Variants in LDHAL6A observed in about 807,000 individuals in gnomAD.
LDHAL6A encodes lactate dehydrogenase A like 6A, also known as L-lactate dehydrogenase A-like 6A.
In LDHAL6A, 19 loss-of-function variants were observed where a neutral mutation model predicts 28.2. That is an observed-to-expected ratio of 0.67 (90% CI 0.47 to 0.99). The LOEUF (loss-of-function observed/expected upper bound fraction) is 0.99. Among genes scored for constraint, LDHAL6A ranks in the 50% least tolerant of loss-of-function variants. LDHAL6A has a pLI of 0.00. For synonymous variants in LDHAL6A, 144 were observed against 134.4 expected, an observed-to-expected ratio of 1.07 and a Z score of -0.49; for missense variants, 372 against 398.6, an observed-to-expected ratio of 0.93 and a Z score of 0.57.
Position 18,467,918 on chromosome 11 carries a change from TACACACAC to T in LDHAL6A, c.418+2110_418+2117del, listed in dbSNP as rs1164319622. 9.5e-4 allele frequency among the ~76,000 whole-genome samples: 47 copies of T among 49,624 alleles called. 1 individual carries two copies. The highest frequency in any genetic ancestry group is 3.5e-3 in the East Asian group (3 of 856). The allele number at this position is 49,624 out of a possible 152,430, so 32.6% of individuals were successfully genotyped here. A position where few individuals can be genotyped will look rare whatever the true frequency, so the allele number is the denominator to read the frequency against. On this transcript the variant is annotated intron_variant, in intron 3 of 6. Coordinates refer to ENST00000280706, the MANE Select transcript of LDHAL6A (RefSeq NM_144972.5). Reference sequence around the variant, plus strand: ...ATATATATATATATATATATATATATACACACACATATATATATACACACACATATATA... The same window carrying T: ...ATATATATATATATATATATATATATATATATATATACACACACATATATA...
chr11:18,467,393 T>G (rs1403912242), intron 3 of LDHAL6A, among the ~76,000 whole-genome samples: 2 of 152,144 alleles, frequency 1.3e-5, no homozygotes, highest in African/African-American at 2.4e-5. Flanking sequence ...ATTTACACTT[T>G]TTATGGTTTA....
intron 3 of LDHAL6A, among the ~76,000 whole-genome samples, chr11:18,470,123 T>A (rs1417152557): frequency 2.6e-5 from 4 of 151,746 alleles, no homozygotes; most frequent in Non-Finnish European, 5.9e-5. Flanking sequence ...CAGATGGGGT[T>A]TTACCATGTT....
chr11:18,470,117 TG>T (rs1849222543), intron 3 of LDHAL6A, among the ~76,000 whole-genome samples: 1 of 152,152 alleles, frequency 6.6e-6, no homozygotes, highest in Non-Finnish European at 1.5e-5. Context: ...TTAGTACAGA[TG>T]GGGTTTTACC....
At chr11:18,467,918 T>TAC (rs1164319622) in intron 3 of LDHAL6A, among the ~76,000 whole-genome samples, 1,001 of 49,614 alleles carry the variant, frequency 0.02, 51 homozygotes, top group East Asian at 0.026. Context: ...TATATATATA[T>TAC]ACACACACAT....
chr11:18,463,008 T>A (rs1219058073), intron 1 of LDHAL6A, among the ~76,000 whole-genome samples: 1 of 151,952 alleles, frequency 6.6e-6, no homozygotes, highest in Non-Finnish European at 1.5e-5. Flanking sequence ...ACATATAAAG[T>A]AGCATCATAG....
chr11:18,456,575 A>T lies in LDHAL6A; in HGVS notation c.-106A>T. 1 of 961,372 alleles carries T rather than the reference A, an allele frequency of 1.0e-6. No homozygotes were observed. Among genetic ancestry groups the T allele is most frequent in the Non-Finnish European group, 1.6e-6 (1 of 625,520 alleles). The allele number at this position is 961,372 out of a possible 1,614,324, so 59.6% of individuals were successfully genotyped here. ...GCACCTCCTTCCACACGGGCCCAGG[A>T]GTTCTCTATACGCGCTCTCACCGCA... On this transcript the variant is annotated 5_prime_UTR_variant, in exon 1 of 7. Coordinates refer to ENST00000280706, the MANE Select transcript of LDHAL6A (RefSeq NM_144972.5).
chr11:18,477,941 TTTC>T (rs946494275), intron 6 of LDHAL6A, among the ~76,000 whole-genome samples, 198 bp downstream of exon 6: 56 of 152,300 alleles, frequency 3.7e-4, no homozygotes, highest in African/African-American at 1.3e-3. Context: ...TAGTGTGACA[TTTC>T]TTTTTATTAG....
intron 5 of LDHAL6A, 100 bp downstream of exon 5, chr11:18,476,601 C>T (rs1849390289): frequency 1.1e-5 from 16 of 1,486,580 alleles, no homozygotes; most frequent in Non-Finnish European, 1.4e-5. Flanking sequence ...TGTTGTATTT[C>T]CCATATTTTT....
rs376411857 is a variant in LDHAL6A at position 18,465,003 on chromosome 11, G to A, written c.245-634G>A. 2.2e-5 allele frequency among the ~76,000 whole-genome samples: 2 copies of A among 92,866 alleles called. 1 individual carries two copies. The highest frequency in any genetic ancestry group is 1.0e-4 in the African/African-American group (2 of 19,058). 60.9% of individuals were successfully genotyped at this position (92,866 alleles called of 152,430 possible). A position where few individuals can be genotyped will look rare whatever the true frequency, so the allele number is the denominator to read the frequency against. On this transcript the variant is annotated intron_variant, in intron 2 of 6. Coordinates refer to ENST00000280706, the MANE Select transcript of LDHAL6A (RefSeq NM_144972.5). The stretch of plus-strand genomic sequence containing the variant: ...TTTTTTTTTGTTTTGTTTTGTTTTG[G>A]TTTGTTTTTGAGACAGTGTCTTGCT...
At position 18,476,410 on chromosome 11, in the gene LDHAL6A, G is replaced by A. The variant is rs1350099433; in HGVS notation, c.619G>A (p.Ala207Thr). 1.2e-6 allele frequency: 2 copies of A among 1,613,950 alleles called. No homozygotes were observed. Among genetic ancestry groups the A allele is most frequent in the Admixed American group, 3.3e-5 (2 of 60,002 alleles). Reference protein sequence around the residue: ...SVPVWSGVNIAGVPLKDLNPD... With the variant: ...SVPVWSGVNITGVPLKDLNPD... ...TCCTGTGTGGAGTGGTGTGAACATT[G>A]CTGGCGTCCCTCTGAAGGATCTGAA... The change falls in exon 5 of 7, where the codon GCT becomes ACT. Residue 207 changes from alanine to threonine, a missense_variant. By Grantham distance (58) the Ala-to-Thr change is moderately conservative (BLOSUM62 0). Transcript: ENST00000280706.
rs67628824 is a variant in LDHAL6A, at chr11:18,464,977, G to GTTTTTTTTTT, written c.245-651_245-650insTTTTTTTTTT. Among the ~76,000 whole-genome samples, 215 of 125,454 alleles carry GTTTTTTTTTT rather than the reference G, an allele frequency of 1.7e-3. 18 individuals carry two copies. The highest frequency in any genetic ancestry group is 3.0e-3 in the South Asian group (12 of 4,034). 82.3% of individuals were successfully genotyped at this position (125,454 alleles called of 152,430 possible). On this transcript the variant is annotated intron_variant, in intron 2 of 6. Transcript: ENST00000280706. Reference sequence around the variant, plus strand: ...TTTTAGGAGGTGAGGTGTTTTTTTTGTTTTTTTTTGTTTTGTTTTGTTTTG... The same window carrying GTTTTTTTTTT: ...TTTTAGGAGGTGAGGTGTTTTTTTTGTTTTTTTTTTTTTTTTTTTGTTTTGTTTTGTTTTG...
At position 18,455,982 on chromosome 11, in the gene LDHAL6A, G is replaced by C. The variant is rs1223885244; in HGVS notation, c.-699G>C. On this transcript the variant is annotated 5_prime_UTR_variant, in exon 1 of 7. Coordinates refer to ENST00000280706, the MANE Select transcript of LDHAL6A (RefSeq NM_144972.5). Reference sequence around the variant, plus strand: ...GGTGCGGTCCGCGCAGCTGCAGTAAGGGGGCGACCCGGCGTCTGTTAGTCG... The same window carrying C: ...GGTGCGGTCCGCGCAGCTGCAGTAACGGGGCGACCCGGCGTCTGTTAGTCG... 1 of 152,434 alleles carries C rather than the reference G, an allele frequency of 6.6e-6. No individual in the cohort carries two copies. Among genetic ancestry groups the C allele is most frequent in the African/African-American group, 2.4e-5 (1 of 41,402 alleles). 9.4% of individuals were successfully genotyped at this position (152,434 alleles called of 1,614,324 possible).
intron 1 of LDHAL6A, among the ~76,000 whole-genome samples, chr11:18,462,659 A>AAAAAAAAC (rs1848954733): frequency 5.1e-5 from 7 of 137,356 alleles, no homozygotes; most frequent in Non-Finnish European, 6.4e-5. Flanking sequence ...AACAAACAAA[A>AAAAAAAAC]AAAAAAACAA....
At chr11:18,462,073 G>C (rs564119889) in intron 1 of LDHAL6A, among the ~76,000 whole-genome samples, 1 of 152,214 alleles carries the variant, frequency 6.6e-6, no homozygotes, top group East Asian at 1.9e-4. Context: ...CCAGAAGGCT[G>C]AGGTGGGAGG....
At position 18,465,793 on chromosome 11, in the gene LDHAL6A, T is replaced by A; in HGVS notation, c.401T>A (p.Leu134His). Reference protein sequence around the residue: ...ITQYSPHCKLLIVTNPVDILT... With the variant: ...ITQYSPHCKLHIVTNPVDILT... The stretch of plus-strand genomic sequence containing the variant: ...CAGTACAGTCCTCACTGCAAACTGC[T>A]TATTGTTACTAATCCAGGTCAGCTT... Residue 134 changes from leucine to histidine, a missense_variant, in exon 3 of 7, where the codon CTT becomes CAT. Physicochemically the swap from Leu to His is moderately conservative, Grantham distance 99 (BLOSUM62 -3). Around this residue, in one of 3 missense-constraint regions of LDHAL6A, gnomAD observed 291 missense variants for 302.9 expected, o/e 0.96. Coordinates refer to ENST00000280706, the MANE Select transcript of LDHAL6A (RefSeq NM_144972.5). The A allele has an allele frequency of 6.2e-7, 1 of 1,612,038 alleles. No individual in the cohort carries two copies. The highest frequency in any genetic ancestry group is 1.7e-5 in the Admixed American group (1 of 59,566).
chr11:18,477,250 G>C (rs1312127304), intron 5 of LDHAL6A, among the ~76,000 whole-genome samples: 3 of 152,082 alleles, frequency 2.0e-5, no homozygotes, highest in Non-Finnish European at 4.4e-5. Context: ...CTTGAGATCA[G>C]GAGTATGAGA....
intron 3 of LDHAL6A, among the ~76,000 whole-genome samples, chr11:18,471,112 TA>T (rs1565073344): frequency 6.6e-6 from 1 of 152,190 alleles, no homozygotes; most frequent in Admixed American, 6.5e-5. Flanking sequence ...AACAAGCAAT[TA>T]GTAAGGGTTT....
At position 18,479,070 on chromosome 11, in the gene LDHAL6A, C is replaced by G. The variant is rs1849471826; in HGVS notation, c.*200C>G. On this transcript the variant is annotated 3_prime_UTR_variant, in exon 7 of 7. Transcript: ENST00000280706. The stretch of plus-strand genomic sequence containing the variant: ...TGTCACCCAGGCTGGAGTGCAGTGG[C>G]ACAATCATGGCTCACTGCAACCTTG... 2.2e-6 allele frequency: 1 copy of G among 450,064 alleles called. No individual in the cohort carries two copies. Among genetic ancestry groups the G allele is most frequent in the Non-Finnish European group, 3.9e-6 (1 of 253,672 alleles). The allele number at this position is 450,064 out of a possible 1,614,324, so 27.9% of individuals were successfully genotyped here.
In LDHAL6A at chr11:18,475,453, T is replaced by A. The variant is rs754836290; in HGVS notation, c.419-13T>A. On this transcript the variant is annotated splice_polypyrimidine_tract_variant and intron_variant, in intron 3 of 6. Coordinates refer to ENST00000280706, the MANE Select transcript of LDHAL6A (RefSeq NM_144972.5). ...GATGAGGACATTTCTTGATATGAACTTTTTCTTCTTAGTGGATATCTTAAC... is the reference window on the plus strand; with the variant it reads ...GATGAGGACATTTCTTGATATGAACATTTTCTTCTTAGTGGATATCTTAAC... The A allele has an allele frequency of 6.2e-7, 1 of 1,601,516 alleles. No individual in the cohort carries two copies.
Sources: allele counts gnomAD v4.1 joint callset (sites outside exome capture counted in the v4.1 genomes callset), GRCh38; gene constraint gnomAD v4.1.1; regional missense constraint gnomAD v4.1.1; transcripts MANE v1.5; gene names NCBI Gene and HGNC (gene_info 2026-07-23, HGNC 2026-07-21).